Variants in PARD3 observed in about 807,000 individuals in gnomAD.
PARD3 encodes par-3 family cell polarity regulator.
A neutral mutation model predicts 155.4 loss-of-function variants in PARD3; 75 were observed. That is an observed-to-expected ratio of 0.48 (90% CI 0.40 to 0.58). The LOEUF (loss-of-function observed/expected upper bound fraction) is 0.58, where lower values mean the gene tolerates loss of function less well. Ranked by LOEUF, PARD3 falls within the 20% of genes least tolerant of loss-of-function variation. The pLI is 0.00. For missense variants in PARD3, 1,642 were observed against 1,721.7 expected (o/e 0.95, Z 0.82); for synonymous variants, 576 against 610.5 (o/e 0.94, Z 0.83).
At chr10:34,743,844 G>C (rs1218182086) in intron 1 of PARD3, among the ~76,000 whole-genome samples, 1 of 152,106 alleles carries the variant, frequency 6.6e-6, no homozygotes. Flanking sequence ...CCACAATCAC[G>C]CCTGGCTGCA....
At chr10:34,150,593 C>T (rs1366882146) in intron 22 of PARD3, among the ~76,000 whole-genome samples, 3 of 152,026 alleles carry the variant, frequency 2.0e-5, no homozygotes, top group African/African-American at 7.2e-5. Flanking sequence ...GGTGACGTGC[C>T]GGACTCTGCC....
chr10:34,628,012 AGTTTACAC>A (rs1161552915), intron 2 of PARD3, among the ~76,000 whole-genome samples: 4 of 152,092 alleles, frequency 2.6e-5, no homozygotes, highest in African/African-American at 9.7e-5. Context: ...AGAGGTGCTG[AGTTTACAC>A]GTTGTGCCCT....
chr10:34,757,693 GA>G (rs970413008), intron 1 of PARD3, among the ~76,000 whole-genome samples: 32 of 136,666 alleles, frequency 2.3e-4, no homozygotes, highest in South Asian at 4.7e-4. Context: ...CTGTCTCCAA[GA>G]AAAAAAAAAA....
chr10:34,699,503 A>C (rs1405855847), intron 1 of PARD3, among the ~76,000 whole-genome samples: 1 of 152,212 alleles, frequency 6.6e-6, no homozygotes, highest in East Asian at 1.9e-4. Flanking sequence ...TTCAATGAAC[A>C]GAGGACTTGC....
chr10:34,460,702 A>G (rs1462082731), intron 4 of PARD3, among the ~76,000 whole-genome samples: 3 of 151,986 alleles, frequency 2.0e-5, no homozygotes, highest in Non-Finnish European at 4.4e-5. Flanking sequence ...GTGTGGTGGC[A>G]GGCACCTGTA....
intron 15 of PARD3, among the ~76,000 whole-genome samples, chr10:34,347,628 T>C (rs1837567272): frequency 6.6e-6 from 1 of 152,220 alleles, no homozygotes; most frequent in African/African-American, 2.4e-5. Flanking sequence ...CCATTAAATT[T>C]TGATTTCTTT....
intron 18 of PARD3, among the ~76,000 whole-genome samples, chr10:34,334,873 T>C (rs1403636730): frequency 1.3e-5 from 2 of 151,888 alleles, no homozygotes; most frequent in East Asian, 3.9e-4. Context: ...AACTTGGATA[T>C]CATTATGTTG....
intron 2 of PARD3, among the ~76,000 whole-genome samples, chr10:34,554,527 A>G (rs934666051): frequency 2.5e-4 from 38 of 152,336 alleles, no homozygotes; most frequent in African/African-American, 9.1e-4. Flanking sequence ...TGGTTTTAAT[A>G]CAAGCTTTAT....
intron 19 of PARD3, among the ~76,000 whole-genome samples, chr10:34,330,201 T>C (rs1835467627): frequency 6.6e-6 from 1 of 152,168 alleles, no homozygotes; most frequent in South Asian, 2.1e-4. Context: ...TAATCAACAA[T>C]TTTCACTATT....
intron 22 of PARD3, among the ~76,000 whole-genome samples, chr10:34,249,015 T>C (rs1359066857): frequency 5.3e-5 from 8 of 152,216 alleles, no homozygotes; most frequent in Non-Finnish European, 5.9e-5. Flanking sequence ...TTTATATTGG[T>C]GGCTCCTTAA....
At chr10:34,608,611 T>C (rs2090649280) in intron 2 of PARD3, among the ~76,000 whole-genome samples, 2 of 148,690 alleles carry the variant, frequency 1.3e-5, no homozygotes, top group Admixed American at 1.4e-4. Context: ...CTTGGCTCAC[T>C]GCAACCTCCA....
chr10:34,128,921 G>T (rs1218297985), intron 23 of PARD3, among the ~76,000 whole-genome samples: 1 of 152,130 alleles, frequency 6.6e-6, no homozygotes, highest in African/African-American at 2.4e-5. Context: ...TTTACATCTA[G>T]TAGGGTCAAT....
At chr10:34,789,697 C>A (rs1346503354) in intron 1 of PARD3, among the ~76,000 whole-genome samples, 1 of 151,910 alleles carries the variant, frequency 6.6e-6, no homozygotes, top group East Asian at 1.9e-4. Context: ...GAGCAAGATC[C>A]TGTTACCACC....
chr10:34,629,219 A>G (rs1428580753), intron 2 of PARD3, among the ~76,000 whole-genome samples: 3 of 152,202 alleles, frequency 2.0e-5, no homozygotes, highest in Admixed American at 1.3e-4. Flanking sequence ...CCGGACTCTC[A>G]TATTAAACAT....
chr10:34,650,301 G>T (rs1316369374), intron 2 of PARD3, among the ~76,000 whole-genome samples: 2 of 152,226 alleles, frequency 1.3e-5, no homozygotes, highest in Non-Finnish European at 2.9e-5. Context: ...CTGCACTGCA[G>T]GTCGACACTA....
rs76554137 is a variant in PARD3, at chr10:34,324,868, T to C, written c.2833+6249A>G. On this transcript the variant is annotated intron_variant, in intron 19 of 24. Transcript: ENST00000374788. ...CAAGCATCATCGCTCACCTGGATGA[T>C]TGTACTACTATCACAGAAATTAGCT... Among the ~76,000 whole-genome samples the C allele has an allele frequency of 1.1e-3, 175 of 152,304 alleles. 1 individual carries two copies. Among genetic ancestry groups the C allele is most frequent in the African/African-American group, 3.9e-3 (161 of 41,578 alleles).
At chr10:34,744,679 C>G (rs10827413) in intron 1 of PARD3, among the ~76,000 whole-genome samples, 49,639 of 152,136 alleles carry the variant, frequency 0.33, 10,094 homozygotes, top group Non-Finnish European at 0.45. Context: ...CAGGCACTTG[C>G]CTCTGACACA....
chr10:34,422,650 A>C (rs1278599157), intron 5 of PARD3, among the ~76,000 whole-genome samples: 3 of 152,224 alleles, frequency 2.0e-5, no homozygotes, highest in Non-Finnish European at 4.4e-5. Context: ...TCTCAAAAGA[A>C]GACATACAAG....
intron 21 of PARD3, among the ~76,000 whole-genome samples, chr10:34,276,890 T>C (rs570455100): frequency 6.6e-6 from 1 of 152,338 alleles, no homozygotes; most frequent in South Asian, 2.1e-4. Context: ...AACTGTCTTT[T>C]AACGATTTTT....
Sources: gnomAD v4.1 joint callset for allele counts (sites outside exome capture counted in the v4.1 genomes callset) on GRCh38, gnomAD v4.1.1 for gene constraint, MANE v1.5 for transcripts, NCBI Gene and HGNC (gene_info 2026-07-23, HGNC 2026-07-21) for gene names.